Variants in THSD4 observed in about 807,000 individuals in gnomAD.
The protein encoded by THSD4 is thrombospondin type 1 domain containing 4.
In THSD4, 69 loss-of-function variants were observed where a neutral mutation model predicts 119.0. That is an observed-to-expected ratio of 0.58 (90% CI 0.48 to 0.71). THSD4 has a LOEUF of 0.71. THSD4 is among the 30% of genes least tolerant of loss of function. THSD4 has a pLI of 0.00. For synonymous variants in THSD4, 524 were observed against 540.4 expected (o/e 0.97, Z 0.42); for missense variants, 1,393 against 1,391.1 (o/e 1.00, Z -0.02).
chr15:71,741,624 G>A (rs543985655), intron 11 of THSD4, among the ~76,000 whole-genome samples: 97 of 152,064 alleles, frequency 6.4e-4, no homozygotes, highest in South Asian at 1.0e-3. Context: ...TGAGGTATGG[G>A]ACTGAGCATG....
At chr15:71,546,893 G>A (rs373500984) in intron 7 of THSD4, among the ~76,000 whole-genome samples, 2 of 152,170 alleles carry the variant, frequency 1.3e-5, no homozygotes, top group African/African-American at 2.4e-5. Context: ...AGCCCAGAGC[G>A]GACTGGCAAC....
chr15:71,541,140 T>C (rs1027214521), intron 7 of THSD4, among the ~76,000 whole-genome samples: 2 of 152,246 alleles, frequency 1.3e-5, no homozygotes, highest in African/African-American at 2.4e-5. Flanking sequence ...AGCCACATTT[T>C]AAAAAGTAAA....
At chr15:71,266,894 G>A (rs1010413345) in intron 6 of THSD4, among the ~76,000 whole-genome samples, 19 of 151,832 alleles carry the variant, frequency 1.3e-4, no homozygotes, top group Admixed American at 2.6e-4. Flanking sequence ...AAATTACAGC[G>A]TGAAGACAAG....
intron 4 of THSD4, among the ~76,000 whole-genome samples, chr15:71,224,179 A>G (rs1463323426): frequency 6.6e-6 from 1 of 152,174 alleles, no homozygotes; most frequent in Non-Finnish European, 1.5e-5. Context: ...ACCTGGAGGC[A>G]TGAGTGAGCA....
At chr15:71,479,246 A>T (rs1561710) in intron 7 of THSD4, among the ~76,000 whole-genome samples, 1 of 144,464 alleles carries the variant, frequency 6.9e-6, no homozygotes, top group East Asian at 2.1e-4. Flanking sequence ...AAGGTACTAG[A>T]TGGACATATT....
chr15:71,735,416 C>T (rs183400423), intron 10 of THSD4, among the ~76,000 whole-genome samples: 20 of 152,232 alleles, frequency 1.3e-4, no homozygotes, highest in African/African-American at 4.8e-4. Flanking sequence ...ACTCCTACCT[C>T]TCCTCCATCT....
intron 8 of THSD4, among the ~76,000 whole-genome samples, chr15:71,660,958 C>T (rs1595839629): frequency 6.6e-6 from 1 of 152,174 alleles, no homozygotes. Context: ...AATATCTATA[C>T]ATTTAAACCA....
intron 8 of THSD4, among the ~76,000 whole-genome samples, chr15:71,711,083 G>GTATATATATATA: frequency 7.8e-6 from 1 of 128,218 alleles, no homozygotes; most frequent in Non-Finnish European, 1.6e-5. Context: ...ATATATATAT[G>GTATATATATATA]TATATATATA....
intron 11 of THSD4, among the ~76,000 whole-genome samples, chr15:71,738,816 G>C (rs1257069636): frequency 6.6e-6 from 1 of 151,974 alleles, no homozygotes; most frequent in Non-Finnish European, 1.5e-5. Flanking sequence ...TACCATCCCA[G>C]AAGCCAAACC....
At chr15:71,294,492 G>A (rs1281079058) in intron 6 of THSD4, among the ~76,000 whole-genome samples, 1 of 152,182 alleles carries the variant, frequency 6.6e-6, no homozygotes, top group Non-Finnish European at 1.5e-5. Context: ...GGTCCGTTCA[G>A]GGGATACCAG....
rs34435520 is a variant in THSD4 at position 71,780,700 on chromosome 15, G to A, written c.*3326G>A. On this transcript the variant is annotated 3_prime_UTR_variant, in exon 18 of 18. Coordinates refer to ENST00000261862, the MANE Select transcript of THSD4 (RefSeq NM_024817.3). ...AACTAGAACATGACAAGAATTCTCC[G>A]CACTGTGCCTACCTGTCCCTTTACC... The A allele has an allele frequency of 6.7e-3, 3,078 of 456,608 alleles. 27 individuals carry two copies. Among genetic ancestry groups the A allele is most frequent in the Non-Finnish European group, 0.011 (2,410 of 226,944 alleles). The allele number at this position is 456,608 out of a possible 1,614,324, so 28.3% of individuals were successfully genotyped here.
intron 6 of THSD4, among the ~76,000 whole-genome samples, chr15:71,370,409 G>A (rs1277069967): frequency 2.6e-5 from 4 of 152,212 alleles, no homozygotes; most frequent in African/African-American, 9.6e-5. Flanking sequence ...CCTTTCTCTT[G>A]TGGGCATTTA....
intron 6 of THSD4, among the ~76,000 whole-genome samples, chr15:71,402,112 G>A (rs113409329): frequency 0.016 from 2,382 of 151,168 alleles, 77 homozygotes; most frequent in African/African-American, 0.052. Context: ...TGGGGTGGGG[G>A]GATGGGGGAG....
chr15:71,773,802 A>G (rs575312011), intron 17 of THSD4, among the ~76,000 whole-genome samples: 1 of 152,340 alleles, frequency 6.6e-6, no homozygotes, highest in East Asian at 1.9e-4. Context: ...GTACATGGGT[A>G]CATGTGTGCT....
At chr15:71,435,320 A>C (rs1338078133) in intron 7 of THSD4, among the ~76,000 whole-genome samples, 1 of 152,232 alleles carries the variant, frequency 6.6e-6, no homozygotes, top group Non-Finnish European at 1.5e-5. Flanking sequence ...GCTCCAAAGC[A>C]GACAGTTTAC....
chr15:71,730,793 A>G (rs1312740514), intron 9 of THSD4: 1 of 313,994 alleles, frequency 3.2e-6, no homozygotes, highest in Admixed American at 4.0e-5. Context: ...TCTGTGTTGG[A>G]TGTTTCAAGA....
chr15:71,356,805 T>C (rs1056967349), intron 6 of THSD4, among the ~76,000 whole-genome samples: 2 of 152,084 alleles, frequency 1.3e-5, no homozygotes, highest in Non-Finnish European at 2.9e-5. Flanking sequence ...GGATCTGCTG[T>C]CTTCTCCCTC....
At chr15:71,156,894 C>G (rs1222090274) in intron 3 of THSD4, among the ~76,000 whole-genome samples, 5 of 152,230 alleles carry the variant, frequency 3.3e-5, no homozygotes, top group Admixed American at 2.6e-4. Flanking sequence ...AATGGAAAAC[C>G]TGGCCAAGGT....
chr15:71,666,094 A>G lies in THSD4; in HGVS notation c.1357+5360A>G, dbSNP rs148810151. On this transcript the variant is annotated intron_variant, in intron 8 of 17. Coordinates refer to ENST00000261862, the MANE Select transcript of THSD4 (RefSeq NM_024817.3). ...ATTGAATCTGTAAATTGCTTTGGGC[A>G]GTATAGCCATTTTAATGATATTGGT... Among the ~76,000 whole-genome samples, 701 of 152,324 alleles carry G rather than the reference A, an allele frequency of 4.6e-3. 3 individuals are homozygous for G. The highest frequency in any genetic ancestry group is 0.016 in the African/African-American group (661 of 41,562).
Sources: allele counts gnomAD v4.1 joint callset (sites outside exome capture counted in the v4.1 genomes callset), GRCh38; gene constraint gnomAD v4.1.1; transcripts MANE v1.5; gene names NCBI Gene and HGNC (gene_info 2026-07-23, HGNC 2026-07-21).